The following TSKS variants were observed in gnomAD, a reference collection of about 807,000 sequenced individuals.
TSKS encodes testis-specific serine kinase substrate.
TSKS carries 27 observed loss-of-function variants against 68.0 expected under a neutral mutation model. The observed-to-expected ratio is 0.40, with a 90% confidence interval of 0.29 to 0.55. The LOEUF (loss-of-function observed/expected upper bound fraction) is 0.55, where lower values mean the gene tolerates loss of function less well. Among genes scored for constraint, TSKS ranks in the 20% least tolerant of loss-of-function variants. The pLI, the probability that TSKS is intolerant of heterozygous loss-of-function variation, is 0.53. For synonymous variants in TSKS, 331 were observed against 340.4 expected (o/e 0.97, Z 0.30); for missense variants, 806 against 776.0 (o/e 1.04, Z -0.46).
chr19:49,759,319 AT>A (rs1362876734), intron 2 of TSKS, among the ~76,000 whole-genome samples: 1 of 151,370 alleles, frequency 6.6e-6, no homozygotes, highest in African/African-American at 2.4e-5. Flanking sequence ...AAATACAAAA[AT>A]TAGCCGGGCG....
At chr19:49,754,004 C>G (rs962941112) in intron 2 of TSKS, among the ~76,000 whole-genome samples, 2 of 149,444 alleles carry the variant, frequency 1.3e-5, no homozygotes, top group African/African-American at 4.9e-5. Flanking sequence ...CCTGCCTCAG[C>G]CTCCCCAGTA....
rs535566853 is a variant in TSKS, at chr19:49,741,973, C to T, written c.1409G>A (p.Arg470Gln). Residue 470 changes from arginine (R) to glutamine (Q), a missense_variant, in exon 9 of 11, where the codon CGA becomes CAA. Physicochemically the swap from Arg to Gln is conservative, Grantham distance 43 (BLOSUM62 1). Transcript: ENST00000246801. Reference sequence around the variant, plus strand: ...CTCGTCCACTAGTGAGGTCAGTGCTCGGTCCAGCAGCTGCTGCAGGGACTC... The same window carrying T: ...CTCGTCCACTAGTGAGGTCAGTGCTTGGTCCAGCAGCTGCTGCAGGGACTC... ...STESLQQLLDRALTSLVDEVK... is the reference protein window; with the variant it reads ...STESLQQLLDQALTSLVDEVK... 3.4e-5 allele frequency: 55 copies of T among 1,614,034 alleles called. No individual in the cohort carries two copies. The highest frequency in any genetic ancestry group is 1.8e-4 in the East Asian group (8 of 44,890).
Position 49,742,685 on chromosome 19 carries a change from A to T in TSKS, c.1362-665T>A, listed in dbSNP as rs185096047. On this transcript the variant is annotated intron_variant, in intron 8 of 10. Transcript: ENST00000246801. Reference sequence around the variant, plus strand: ...GCTAATTTTTGTGTTTTTAGTAGATATGGGGTTTCACCATGTTGGCCAGGC... The same window carrying T: ...GCTAATTTTTGTGTTTTTAGTAGATTTGGGGTTTCACCATGTTGGCCAGGC... Among the ~76,000 whole-genome samples the T allele has an allele frequency of 2.9e-3, 436 of 151,418 alleles. 8 individuals carry two copies. The highest frequency in any genetic ancestry group is 8.0e-4 in the Non-Finnish European group (54 of 67,900).
chr19:49,754,735 G>A (rs1355295060), intron 2 of TSKS, among the ~76,000 whole-genome samples: 2 of 152,118 alleles, frequency 1.3e-5, no homozygotes, highest in East Asian at 3.9e-4. Context: ...GAAATTGAGA[G>A]AATAATGTCT....
At chr19:49,750,594 A>C (rs1035107429) in intron 2 of TSKS, among the ~76,000 whole-genome samples, 11 of 152,110 alleles carry the variant, frequency 7.2e-5, no homozygotes, top group Non-Finnish European at 1.5e-4. Flanking sequence ...GAAGGAAAAG[A>C]GACCCAGAGA....
chr19:49,741,178 AAAAC>A (rs565532199), intron 9 of TSKS, among the ~76,000 whole-genome samples: 68 of 151,962 alleles, frequency 4.5e-4, no homozygotes, highest in African/African-American at 1.3e-3. Context: ...ACTCCATCTC[AAAAC>A]AAACAAACAA....
chr19:49,742,159 C>T (rs935740126), intron 8 of TSKS, 139 bp from the exon 9 acceptor site: 5 of 891,944 alleles, frequency 5.6e-6, no homozygotes, highest in African/African-American at 3.3e-5. Context: ...ATGCACTGTG[C>T]ACCAGCTGTC....
intron 8 of TSKS, among the ~76,000 whole-genome samples, chr19:49,743,056 G>A (rs2084265106): frequency 6.6e-6 from 1 of 151,736 alleles, no homozygotes; most frequent in African/African-American, 2.4e-5. Context: ...ACAATGCACT[G>A]GAAATATGAT....
chr19:49,747,702 CCT>C (rs2084314576), intron 4 of TSKS, among the ~76,000 whole-genome samples: 2 of 152,104 alleles, frequency 1.3e-5, no homozygotes, highest in South Asian at 4.1e-4. Flanking sequence ...TTCCATTTCT[CCT>C]CTTTCTTTTC....
At chr19:49,745,503 C>A in intron 6 of TSKS, 107 bp from the exon 7 acceptor site, 1 of 995,044 alleles carries the variant, frequency 1.0e-6, no homozygotes, top group African/African-American at 1.6e-5. Flanking sequence ...CCCACTGAGA[C>A]CATGCCCGTG....
In TSKS at chr19:49,745,393, T is replaced by G. The variant is rs1266911027; in HGVS notation, c.996A>C (p.Arg332Ser). ...ACCGGGCGGTCAGTGAGGACACCTC[T>G]CTCCTGGAGGGGCAGAGGAGGGGAA... ...KLFTGIEELR[R>S]EVSSLTARWH... Residue 332 changes from arginine to serine, a missense_variant, in exon 7 of 11, where the codon AGA (arginine) becomes AGC (serine). Physicochemically the swap from Arg to Ser is moderately radical, Grantham distance 110 (BLOSUM62 -1). Coordinates refer to ENST00000246801, the MANE Select transcript of TSKS (RefSeq NM_021733.2). 6.4e-7 allele frequency: 1 copy of G among 1,551,944 alleles called. No individual in the cohort carries two copies. The highest frequency in any genetic ancestry group is 8.7e-7 in the Non-Finnish European group (1 of 1,151,590).
Position 49,742,024 on chromosome 19 carries a change from G to T in TSKS, c.1362-4C>A. The T allele has an allele frequency of 6.2e-7, 1 of 1,613,470 alleles. No individual in the cohort carries two copies. On this transcript the variant is annotated splice_polypyrimidine_tract_variant and splice_region_variant and intron_variant, in intron 8 of 10. Coordinates refer to ENST00000246801, the MANE Select transcript of TSKS (RefSeq NM_021733.2). Reference sequence around the variant, plus strand: ...CGTAGACAACTGCGACCCCTGGCTGGGGGAGGGGCGGTCACCAGATAAAGA... The same window carrying T: ...CGTAGACAACTGCGACCCCTGGCTGTGGGAGGGGCGGTCACCAGATAAAGA...
At chr19:49,757,724 T>A (rs375339600) in intron 2 of TSKS, among the ~76,000 whole-genome samples, 1 of 151,912 alleles carries the variant, frequency 6.6e-6, no homozygotes. Flanking sequence ...CAGTTCTCTG[T>A]CCCCACCCAG....
Position 49,739,805 on chromosome 19 carries a change from T to TC in TSKS, c.1749_1750insG (p.Lys584GlufsTer8). 6.4e-7 allele frequency: 1 copy of TC among 1,555,124 alleles called. No homozygotes were observed. The highest frequency in any genetic ancestry group is 8.9e-7 in the Non-Finnish European group (1 of 1,127,710). On this transcript the variant is annotated frameshift_variant, in exon 11 of 11. Coordinates refer to ENST00000246801, the MANE Select transcript of TSKS (RefSeq NM_021733.2). LOFTEE classifies it high-confidence loss of function. The stretch of plus-strand genomic sequence containing the variant: ...TGTTCAGGGGCTGAGCCCCCCTGTT[T>TC]TGGGGGGGTTCCTGCACTGCTGCCT...
intron 8 of TSKS, among the ~76,000 whole-genome samples, chr19:49,742,628 G>C (rs180716250): frequency 6.6e-6 from 1 of 151,116 alleles, no homozygotes; most frequent in African/African-American, 2.4e-5. Context: ...CTCCTGAGTA[G>C]CAGGTATTAC....
At chr19:49,760,330 AT>A (rs978018106) in intron 2 of TSKS, among the ~76,000 whole-genome samples, 75 of 148,680 alleles carry the variant, frequency 5.0e-4, no homozygotes, top group African/African-American at 1.5e-3. Context: ...TATTGTTATT[AT>A]TTTTTTTTTG....
intron 2 of TSKS, among the ~76,000 whole-genome samples, chr19:49,749,359 A>T (rs1249032054): frequency 6.6e-6 from 1 of 152,212 alleles, no homozygotes; most frequent in Non-Finnish European, 1.5e-5. Flanking sequence ...GCTTGTTTTA[A>T]ACCATGACAC....
chr19:49,739,762 G>A lies in TSKS; in HGVS notation c.*14C>T. The A allele has an allele frequency of 8.4e-7, 1 of 1,184,558 alleles. No individual in the cohort carries two copies. Among genetic ancestry groups the A allele is most frequent in the Non-Finnish European group, 1.2e-6 (1 of 803,060 alleles). The allele number at this position is 1,184,558 out of a possible 1,614,324, so 73.4% of individuals were successfully genotyped here. A position where few individuals can be genotyped will look rare whatever the true frequency, so the allele number is the denominator to read the frequency against. On this transcript the variant is annotated 3_prime_UTR_variant, in exon 11 of 11. Coordinates refer to ENST00000246801, the MANE Select transcript of TSKS (RefSeq NM_021733.2). Reference sequence around the variant, plus strand: ...CAAAAAGCAGACAGAATTCATGCTAGCATGAGAGGCCATTTATTGTTCAGG... The same window carrying A: ...CAAAAAGCAGACAGAATTCATGCTAACATGAGAGGCCATTTATTGTTCAGG...
At chr19:49,742,628 G>T (rs180716250) in intron 8 of TSKS, among the ~76,000 whole-genome samples, 1 of 151,228 alleles carries the variant, frequency 6.6e-6, no homozygotes, top group Non-Finnish European at 1.5e-5. Context: ...CTCCTGAGTA[G>T]CAGGTATTAC....
Sources: gnomAD v4.1 joint callset for allele counts (sites outside exome capture counted in the v4.1 genomes callset) on GRCh38, gnomAD v4.1.1 for gene constraint, MANE v1.5 for transcripts, NCBI Gene and HGNC (gene_info 2026-07-23, HGNC 2026-07-21) for gene names.